CEP128: variants seen among roughly 807,000 people sequenced by gnomAD.
CEP128 encodes centrosomal protein 128kDa.
Under a neutral mutation model 156.7 loss-of-function variants are expected in CEP128, and 132 were observed. The observed-to-expected ratio is 0.84, with a 90% confidence interval of 0.73 to 0.97. CEP128 has a LOEUF of 0.97. Ranked by LOEUF, CEP128 falls within the 50% of genes least tolerant of loss-of-function variation. The probability of loss-of-function intolerance (pLI) is 0.00; values close to 1 mark genes in which losing one functional copy is unlikely to be tolerated. For synonymous variants in CEP128, 469 were observed against 448.9 expected, an observed-to-expected ratio of 1.04 and a Z score of -0.57; for missense variants, 1,252 against 1,281.9, an observed-to-expected ratio of 0.98 and a Z score of 0.36.
At chr14:80,510,419 G>A (rs990770108) in intron 23 of CEP128, among the ~76,000 whole-genome samples, 3 of 151,570 alleles carry the variant, frequency 2.0e-5, no homozygotes, top group Non-Finnish European at 2.9e-5. Flanking sequence ...TTTTCACATC[G>A]TCCACTGTTG....
intron 2 of CEP128, among the ~76,000 whole-genome samples, chr14:80,920,286 C>A (rs1884785233): frequency 6.6e-6 from 1 of 152,092 alleles, no homozygotes; most frequent in African/African-American, 2.4e-5. Flanking sequence ...CCACTACAAC[C>A]CAGACACAGG....
At position 80,874,669 on chromosome 14, in the gene CEP128, GT is replaced by G. The variant is rs1888194860; in HGVS notation, c.646-11797del. Among the ~76,000 whole-genome samples, 6 of 152,332 alleles carry G rather than the reference GT, an allele frequency of 3.9e-5. No individual in the cohort carries two copies. The South Asian group carries it at 1.2e-3, about 32-fold the overall frequency. ...GTCTCGCTCTGTCGCCCAGGCTGGA[GT>G]GCAGTGGCGCCATCTTGGCTCACTG... is the stretch of plus-strand genomic sequence containing the variant. On this transcript the variant is annotated intron_variant, in intron 8 of 24. Coordinates refer to ENST00000555265, the MANE Select transcript of CEP128 (RefSeq NM_152446.5).
At chr14:80,513,106 C>A (rs1365315727) in intron 23 of CEP128, among the ~76,000 whole-genome samples, 1 of 151,964 alleles carries the variant, frequency 6.6e-6, no homozygotes, top group African/African-American at 2.4e-5. Context: ...TTGTTAATAT[C>A]CTTTTACGTC....
At chr14:80,699,959 CT>C (rs1897017233) in intron 19 of CEP128, among the ~76,000 whole-genome samples, 1 of 152,152 alleles carries the variant, frequency 6.6e-6, no homozygotes. Flanking sequence ...ACAACCTCTA[CT>C]ACAGGGACCA....
chr14:80,835,689 A>G (rs958736580), intron 12 of CEP128, among the ~76,000 whole-genome samples: 4 of 152,178 alleles, frequency 2.6e-5, no homozygotes, highest in Non-Finnish European at 5.9e-5. Flanking sequence ...TTTCAAACAC[A>G]AAGTATTCCT....
downstream of CEP128, among the ~76,000 whole-genome samples, chr14:80,488,541 G>C (rs1306250970): frequency 1.3e-5 from 2 of 151,754 alleles, no homozygotes; most frequent in African/African-American, 4.8e-5. Context: ...TGGTGGGACT[G>C]TAAACTAGTT....
intron 19 of CEP128, among the ~76,000 whole-genome samples, chr14:80,603,326 G>A (rs545787474): frequency 1.3e-5 from 2 of 152,290 alleles, no homozygotes; most frequent in South Asian, 4.1e-4. Context: ...AAGTAGATTT[G>A]TGGTTGCCAG....
chr14:80,636,520 T>C (rs1460270238), intron 19 of CEP128, among the ~76,000 whole-genome samples: 1 of 152,174 alleles, frequency 6.6e-6, no homozygotes, highest in Non-Finnish European at 1.5e-5. Flanking sequence ...CCCCCTAAAA[T>C]CTGTTCCTCT....
chr14:80,941,271 C>T (rs1886137682), intron 1 of CEP128, among the ~76,000 whole-genome samples: 1 of 152,162 alleles, frequency 6.6e-6, no homozygotes, highest in South Asian at 2.1e-4. Flanking sequence ...ATCTCCTGTC[C>T]CTTAAAGCTT....
At chr14:80,571,847 A>G (rs80188486) in intron 20 of CEP128, among the ~76,000 whole-genome samples, 4 of 122,504 alleles carry the variant, frequency 3.3e-5, no homozygotes, top group Non-Finnish European at 7.0e-5. Flanking sequence ...CATTGCTCTT[A>G]AGTATAGTAG....
At chr14:80,846,538 A>G (rs1027312718) in intron 9 of CEP128, among the ~76,000 whole-genome samples, 2 of 152,192 alleles carry the variant, frequency 1.3e-5, no homozygotes, top group Non-Finnish European at 2.9e-5. Context: ...CAACCCCGGA[A>G]GGCATCCTGA....
At chr14:80,834,056 A>G (rs142307464) in intron 12 of CEP128, among the ~76,000 whole-genome samples, 39 of 152,246 alleles carry the variant, frequency 2.6e-4, no homozygotes, top group Non-Finnish European at 4.9e-4. Context: ...CTCCATTTGG[A>G]GGGCCAATGG....
At position 80,647,106 on chromosome 14, in the gene CEP128, T is replaced by TAC. The variant is rs764189879; in HGVS notation, c.2807-66685_2807-66684dup. Among the ~76,000 whole-genome samples, 628 of 74,382 alleles carry TAC rather than the reference T, an allele frequency of 8.4e-3. 30 individuals carry two copies. The highest frequency in any genetic ancestry group is 0.029 in the African/African-American group (571 of 20,002). 48.8% of individuals were successfully genotyped at this position (74,382 alleles called of 152,430 possible). On this transcript the variant is annotated intron_variant, in intron 19 of 24. Transcript: ENST00000555265. ...ATATATACACCCTTATAAATACACA[T>TAC]ACACACACACACACACACATACACA...
chr14:80,936,976 A>G (rs1447516295), intron 2 of CEP128, among the ~76,000 whole-genome samples: 2 of 152,130 alleles, frequency 1.3e-5, no homozygotes, highest in African/African-American at 4.8e-5. Context: ...TTAAAAAAAA[A>G]AAACCACATT....
rs1555362273 is a variant in CEP128 at position 80,909,403 on chromosome 14, A to ACG, written c.235-3324_235-3323dup. Among the ~76,000 whole-genome samples, 888 of 150,654 alleles carry ACG rather than the reference A, an allele frequency of 5.9e-3. 5 individuals are homozygous for ACG. Among genetic ancestry groups the ACG allele is most frequent in the Middle Eastern group, 0.01 (3 of 292 alleles). On this transcript the variant is annotated intron_variant, in intron 4 of 24. Coordinates refer to ENST00000555265, the MANE Select transcript of CEP128 (RefSeq NM_152446.5). ...CACACACACACACACACACACACAC[A>ACG]CGCAAACTCCCTGCCACCAAAAGAA...
chr14:80,790,177 A>G (rs1901630007), intron 14 of CEP128, among the ~76,000 whole-genome samples: 1 of 152,146 alleles, frequency 6.6e-6, no homozygotes, highest in South Asian at 2.1e-4. Context: ...AAAAAGCTCA[A>G]TACATAAGCA....
rs544993668 is a variant in CEP128 at position 80,858,082 on chromosome 14, C to T, written c.762+4675G>A. 3.3e-3 allele frequency among the ~76,000 whole-genome samples: 503 copies of T among 152,246 alleles called. 4 individuals carry two copies. The highest frequency in any genetic ancestry group is 0.012 in the African/African-American group (485 of 41,516). ...TATGGAACCAAAAAAGAGCCCGGAT[C>T]GCCAAGTCAGTCCTAAGCCAAAAGA... On this transcript the variant is annotated intron_variant, in intron 9 of 24. Transcript: ENST00000555265.
intron 24 of CEP128, among the ~76,000 whole-genome samples, chr14:80,502,368 G>A (rs760460989): frequency 8.5e-5 from 13 of 152,204 alleles, no homozygotes; most frequent in Non-Finnish European, 1.3e-4. Flanking sequence ...GATGGCTGCT[G>A]TGCAGTGGGT....
chr14:80,822,816 A>G, intron 13 of CEP128: 2 of 737,036 alleles, frequency 2.7e-6, no homozygotes. Context: ...ATTTTTGATA[A>G]CTGTGTAAAC....
Sources: gnomAD v4.1 joint callset for allele counts (sites outside exome capture counted in the v4.1 genomes callset) on GRCh38, gnomAD v4.1.1 for gene constraint, MANE v1.5 for transcripts, NCBI Gene and HGNC (gene_info 2026-07-23, HGNC 2026-07-21) for gene names.